The following WDR93 variants were observed in gnomAD, a reference collection of about 807,000 sequenced individuals.
The protein encoded by WDR93 is WD repeat-containing protein 93.
WDR93 carries 73 observed loss-of-function variants against 82.9 expected under a neutral mutation model. The ratio of observed to expected loss-of-function variants is 0.88; its 90% CI spans 0.73 to 1.07. The LOEUF is 1.07. Among genes scored for constraint, WDR93 ranks in the 50% least tolerant of loss-of-function variants. The pLI is 0.00. For missense variants in WDR93, 738 were observed against 826.0 expected (o/e 0.89, Z 1.31); for synonymous variants, 283 against 300.1 (o/e 0.94, Z 0.59).
At chr15:89,698,086 G>T (rs55961854) in intron 1 of WDR93, among the ~76,000 whole-genome samples, 3 of 151,396 alleles carry the variant, frequency 2.0e-5, no homozygotes, top group East Asian at 3.9e-4. Flanking sequence ...GGGTCTCACC[G>T]TGTTAGCCAG....
chr15:89,693,698 C>G (rs1223478565), intron 1 of WDR93, among the ~76,000 whole-genome samples: 1 of 152,236 alleles, frequency 6.6e-6, no homozygotes, highest in African/African-American at 2.4e-5. Context: ...CATTATCCAC[C>G]AGACCCAGGG....
chr15:89,742,243 AAATT>A (rs146275529), intron 16 of WDR93, among the ~76,000 whole-genome samples: 3 of 152,032 alleles, frequency 2.0e-5, no homozygotes, highest in Non-Finnish European at 2.9e-5. Context: ...TATAAATAAA[AAATT>A]AATTAATTAA....
chr15:89,693,968 T>C (rs191576597), intron 1 of WDR93, among the ~76,000 whole-genome samples: 1 of 152,264 alleles, frequency 6.6e-6, no homozygotes, highest in East Asian at 1.9e-4. Flanking sequence ...TTTTAAGAAA[T>C]TGCCAAACTG....
intron 8 of WDR93, among the ~76,000 whole-genome samples, chr15:89,726,291 GAGTTTCTTCTATTCC>G (rs753834588): frequency 6.6e-5 from 10 of 152,210 alleles, no homozygotes; most frequent in Non-Finnish European, 1.5e-4. Flanking sequence ...CCCCACCACA[GAGTTTCTTCTATTCC>G]AGTAGGTCTG....
At chr15:89,692,985 C>A (rs934262957) in intron 1 of WDR93, among the ~76,000 whole-genome samples, 1 of 151,204 alleles carries the variant, frequency 6.6e-6, no homozygotes, top group African/African-American at 2.5e-5. Flanking sequence ...GTAGCGTTTT[C>A]TTTTCTTTTC....
rs1316543372 is a variant in WDR93 at position 89,715,021 on chromosome 15, G to C, written c.682G>C (p.Glu228Gln). Reference sequence around the variant, plus strand: ...GCTGGATGTGTATAAATTGCCCAAGGAGACTTGGCTCAAGAAACTAGAGCA... The same window carrying C: ...GCTGGATGTGTATAAATTGCCCAAGCAGACTTGGCTCAAGAAACTAGAGCA... ...IWLDVYKLPK[E>Q]TWLKKLEHPQ... Residue 228 changes from glutamate (E) to glutamine (Q), a missense_variant, in exon 6 of 17, where the codon GAG becomes CAG. Transcript: ENST00000268130. 2 of 1,614,026 alleles carry C rather than the reference G, an allele frequency of 1.2e-6. No individual in the cohort carries two copies. Among genetic ancestry groups the C allele is most frequent in the Non-Finnish European group, 1.7e-6 (2 of 1,179,966 alleles).
chr15:89,741,121 CAG>C (rs1967636508), intron 16 of WDR93, among the ~76,000 whole-genome samples: 1 of 151,132 alleles, frequency 6.6e-6, no homozygotes, highest in Admixed American at 6.6e-5. Context: ...GCCTGGGCGA[CAG>C]AGCAAGAATC....
At chr15:89,721,294 C>T (rs1309344719) in intron 7 of WDR93, 1 of 152,192 alleles carries the variant, frequency 6.6e-6, no homozygotes, top group African/African-American at 2.4e-5. Flanking sequence ...TGGTGGCTCA[C>T]ACCTGTAATC....
intron 13 of WDR93, among the ~76,000 whole-genome samples, chr15:89,733,744 G>A (rs1263823200): frequency 3.3e-5 from 5 of 152,172 alleles, no homozygotes; most frequent in Non-Finnish European, 7.3e-5. Flanking sequence ...CTCACTAGCT[G>A]TGGACCCTTG....
intron 1 of WDR93, among the ~76,000 whole-genome samples, chr15:89,691,163 G>C (rs1964858158): frequency 6.6e-6 from 1 of 152,168 alleles, no homozygotes; most frequent in African/African-American, 2.4e-5. Flanking sequence ...TGAAGGAAGT[G>C]GTTAGGTCAG....
At chr15:89,730,310 G>A (rs1966848988) in intron 11 of WDR93, among the ~76,000 whole-genome samples, 1 of 127,468 alleles carries the variant, frequency 7.8e-6, no homozygotes, top group South Asian at 2.7e-4. Flanking sequence ...GGGTGACAGA[G>A]CAAGACTATC....
intron 16 of WDR93, among the ~76,000 whole-genome samples, chr15:89,742,743 G>A (rs1306553575): frequency 2.0e-5 from 3 of 152,080 alleles, no homozygotes. Context: ...AGGTTGGCCA[G>A]GCTAGTCTCA....
Position 89,729,253 on chromosome 15 carries a change from C to T in WDR93, c.1123+160C>T, listed in dbSNP as rs181521069. ...GCTGTAGCCTGTCAGTTTCTGCTTG[C>T]ATCTGTGGCCCCTGAGCACAGGTTC... On this transcript the variant is annotated intron_variant, in intron 10 of 16. Transcript: ENST00000268130. 3.9e-5 allele frequency among the ~76,000 whole-genome samples: 6 copies of T among 152,168 alleles called. No individual in the cohort carries two copies. In the East Asian group the frequency reaches 1.2e-3, roughly 30 times the overall value.
upstream of WDR93, chr15:89,690,579 G>T: frequency 6.4e-7 from 1 of 1,551,132 alleles, no homozygotes; most frequent in Non-Finnish European, 8.7e-7. Flanking sequence ...TGACTCACCT[G>T]AAGAGTCGGT....
chr15:89,736,437 G>A (rs545206313), intron 14 of WDR93, among the ~76,000 whole-genome samples: 1 of 152,254 alleles, frequency 6.6e-6, no homozygotes, highest in African/African-American at 2.4e-5. Context: ...AGTGAGAGGT[G>A]GTTGAAGTGG....
chr15:89,690,558 C>G, upstream of WDR93: 1 of 1,547,298 alleles, frequency 6.5e-7, no homozygotes, highest in Non-Finnish European at 8.7e-7. Flanking sequence ...GGGGCGGAGG[C>G]CGCTGGCACC....
At chr15:89,717,488 C>T (rs955154141) in intron 7 of WDR93, among the ~76,000 whole-genome samples, 4 of 152,198 alleles carry the variant, frequency 2.6e-5, no homozygotes, top group Non-Finnish European at 4.4e-5. Flanking sequence ...GATGACCTCC[C>T]GTCCCTGAGG....
chr15:89,743,516 G>A lies in WDR93; in HGVS notation c.*125G>A. 1.2e-6 allele frequency: 1 copy of A among 853,820 alleles called. No individual in the cohort carries two copies. Among genetic ancestry groups the A allele is most frequent in the Non-Finnish European group, 1.8e-6 (1 of 546,574 alleles). 52.9% of individuals were successfully genotyped at this position (853,820 alleles called of 1,614,324 possible). A position where few individuals can be genotyped will look rare whatever the true frequency, so the allele number is the denominator to read the frequency against. On this transcript the variant is annotated 3_prime_UTR_variant, in exon 17 of 17. Transcript: ENST00000268130. ...CCACAGGCCTGCACTCGGAGTCTGG[G>A]GCCTCTGCAGAGCCAGCAAGGGGAA... is the stretch of plus-strand genomic sequence containing the variant.
Position 89,702,944 on chromosome 15 carries a change from T to C in WDR93, c.304-6T>C. The stretch of plus-strand genomic sequence containing the variant: ...TGAAAATAATATTTTTTCTTTGTTT[T>C]CCCAGCTCAACAAAATGCCAAATTG... On this transcript the variant is annotated splice_region_variant and splice_polypyrimidine_tract_variant and intron_variant, in intron 2 of 16. Coordinates refer to ENST00000268130, the MANE Select transcript of WDR93 (RefSeq NM_020212.2). 6.2e-7 allele frequency: 1 copy of C among 1,613,186 alleles called. No individual in the cohort carries two copies. Among genetic ancestry groups the C allele is most frequent in the Non-Finnish European group, 8.5e-7 (1 of 1,179,766 alleles).
Sources: allele counts gnomAD v4.1 joint callset (sites outside exome capture counted in the v4.1 genomes callset), GRCh38; gene constraint gnomAD v4.1.1; transcripts MANE v1.5; gene names NCBI Gene and HGNC (gene_info 2026-07-23, HGNC 2026-07-21).